The following TUBGCP4 variants were observed in gnomAD, a reference collection of about 807,000 sequenced individuals.
The protein encoded by TUBGCP4 is tubulin gamma complex component 4.
TUBGCP4 carries 54 observed loss-of-function variants against 91.6 expected under a neutral mutation model. The observed-to-expected ratio is 0.59, with a 90% confidence interval of 0.47 to 0.74. TUBGCP4 has a LOEUF of 0.74. TUBGCP4 is among the 30% of genes least tolerant of loss of function. TUBGCP4 has a pLI of 0.00. For missense variants in TUBGCP4, 593 were observed against 800.9 expected, an observed-to-expected ratio of 0.74 and a Z score of 3.13; for synonymous variants, 297 against 302.8, an observed-to-expected ratio of 0.98 and a Z score of 0.20.
chr15:43,396,110 T>TCC (rs1359438153), intron 11 of TUBGCP4, among the ~76,000 whole-genome samples: 3 of 151,294 alleles, frequency 2.0e-5, no homozygotes, highest in Non-Finnish European at 3.0e-5. Flanking sequence ...CGATTCATTC[T>TCC]CTCTCTCTCT....
At position 43,377,827 on chromosome 15, in the gene TUBGCP4, A is replaced by G. The variant is rs777620155; in HGVS notation, c.385-20A>G. On this transcript the variant is annotated intron_variant, in intron 4 of 17. Transcript: ENST00000564079. Reference sequence around the variant, plus strand: ...CTTACATTTGATTACATACCCTTCTAATTATTCTCTACTTTGCAGTTCCAG... The same window carrying G: ...CTTACATTTGATTACATACCCTTCTGATTATTCTCTACTTTGCAGTTCCAG... The G allele has an allele frequency of 7.0e-6, 11 of 1,580,894 alleles. No individual in the cohort carries two copies. The East Asian group carries it at 1.8e-4, about 26-fold the overall frequency.
chr15:43,407,891 A>G lies in TUBGCP4; in HGVS notation c.*2677A>G. ...TTGGACCACAAGGCCTAACACCTACAGGTCTAAGGAGATCCCTGGAACAAA... is the reference window on the plus strand; with the variant it reads ...TTGGACCACAAGGCCTAACACCTACGGGTCTAAGGAGATCCCTGGAACAAA... On this transcript the variant is annotated 3_prime_UTR_variant, in exon 18 of 18. Coordinates refer to ENST00000564079, the MANE Select transcript of TUBGCP4 (RefSeq NM_014444.5). The G allele has an allele frequency of 6.5e-7, 1 of 1,547,982 alleles. No individual in the cohort carries two copies. The highest frequency in any genetic ancestry group is 1.2e-5 in the South Asian group (1 of 83,254).
Position 43,403,995 on chromosome 15 carries a change from A to G in TUBGCP4, c.1848+196A>G, listed in dbSNP as rs943196925. The G allele has an allele frequency of 5.1e-6, 3 of 587,942 alleles. No individual in the cohort carries two copies. In the South Asian group the frequency reaches 6.3e-5, roughly 12 times the overall value. The allele number at this position is 587,942 out of a possible 1,614,324, so 36.4% of individuals were successfully genotyped here. On this transcript the variant is annotated intron_variant, in intron 16 of 17. Transcript: ENST00000564079. The stretch of plus-strand genomic sequence containing the variant: ...ATACTGTGCCACCTCACAGTGCTCA[A>G]AAATAGTTCAGTCCTGAATAGTTTA...
Position 43,376,125 on chromosome 15 carries a change from C to G in TUBGCP4, c.106C>G (p.Pro36Ala), listed in dbSNP as rs746308917. The G allele has an allele frequency of 4.3e-6, 7 of 1,614,168 alleles. No individual in the cohort carries two copies. The highest frequency in any genetic ancestry group is 5.9e-6 in the Non-Finnish European group (7 of 1,180,022). ...ATCGCAGGACTTCCCTTTCCTCCAC[C>G]CCAGTGAGACCAGTGTCCTGAATCG... ...QVSQDFPFLH[P>A]SETSVLNRLC... The change falls in exon 2 of 18, where the codon CCC becomes GCC. Residue 36 changes from proline (P) to alanine (A), a missense_variant. Physicochemically the swap from Pro to Ala is conservative, Grantham distance 27. Transcript: ENST00000564079.
intron 10 of TUBGCP4, 163 bp downstream of exon 10, chr15:43,395,320 G>A (rs923311564): frequency 1.4e-5 from 11 of 774,214 alleles, no homozygotes; most frequent in South Asian, 8.2e-5. Context: ...ACAAATCTAC[G>A]ATAATACAAA....
chr15:43,376,173 T>C lies in TUBGCP4; in HGVS notation c.154T>C (p.Tyr52His). 1.9e-6 allele frequency: 3 copies of C among 1,614,074 alleles called. No homozygotes were observed. In the South Asian group the frequency reaches 3.3e-5, roughly 18 times the overall value. Reference sequence around the variant, plus strand: ...TCGACTCTGCCGGCTCGGCACAGACTATATTCGCTTCACTGAGTTCATTGA... The same window carrying C: ...TCGACTCTGCCGGCTCGGCACAGACCATATTCGCTTCACTGAGTTCATTGA... Reference protein sequence around the residue: ...LNRLCRLGTDYIRFTEFIEQY... With the variant: ...LNRLCRLGTDHIRFTEFIEQY... The change falls in exon 2 of 18, where the codon TAT (tyrosine) becomes CAT (histidine). Residue 52 changes from tyrosine to histidine, a missense_variant. Physicochemically the swap from Tyr to His is moderately conservative, Grantham distance 83 (BLOSUM62 2). Coordinates refer to ENST00000564079, the MANE Select transcript of TUBGCP4 (RefSeq NM_014444.5).
At chr15:43,372,725 G>T (rs1455737175) in intron 1 of TUBGCP4, among the ~76,000 whole-genome samples, 1 of 152,112 alleles carries the variant, frequency 6.6e-6, no homozygotes, top group Non-Finnish European at 1.5e-5. Flanking sequence ...TCATCCTCAA[G>T]GTCTCAGCTT....
intron 16 of TUBGCP4, chr15:43,404,144 C>T: frequency 1.9e-6 from 1 of 525,688 alleles, no homozygotes; most frequent in Non-Finnish European, 3.4e-6. Context: ...ACGGGTTCTC[C>T]CCAACCCCAG....
At chr15:43,398,314 A>G in intron 13 of TUBGCP4, 135 bp downstream of exon 13, 1 of 946,746 alleles carries the variant, frequency 1.1e-6, no homozygotes, top group Middle Eastern at 3.1e-4. Flanking sequence ...CCAGAGCCTG[A>G]GCAGGAGGAT....
chr15:43,408,728 C>CTATGGAATTAA lies in TUBGCP4; in HGVS notation c.*3514_*3515insTATGGAATTAA. The CTATGGAATTAA allele has an allele frequency of 1.5e-6, 1 of 648,326 alleles. No individual in the cohort carries two copies. The allele number at this position is 648,326 out of a possible 1,614,324, so 40.2% of individuals were successfully genotyped here. ...TGCAAAAGGTTCCTAGCCAATGTAA[C>CTATGGAATTAA]CTAGGGAAATAAACTAGATAAACTC... On this transcript the variant is annotated 3_prime_UTR_variant, in exon 18 of 18. Transcript: ENST00000564079.
In TUBGCP4 at chr15:43,409,760, C is replaced by T. The variant is rs752038307; in HGVS notation, c.*4546C>T. ...AAAAATTCTATATTAAAAAAAAAAA[C>T]CAAGATAATAATTACTGAGTGGTTT... On this transcript the variant is annotated 3_prime_UTR_variant, in exon 18 of 18. Coordinates refer to ENST00000564079, the MANE Select transcript of TUBGCP4 (RefSeq NM_014444.5). The T allele has an allele frequency of 1.6e-6, 2 of 1,221,650 alleles. No homozygotes were observed. Among genetic ancestry groups the T allele is most frequent in the Admixed American group, 2.3e-5 (1 of 43,058 alleles). The allele number at this position is 1,221,650 out of a possible 1,614,324, so 75.7% of individuals were successfully genotyped here. A position where few individuals can be genotyped will look rare whatever the true frequency, so the allele number is the denominator to read the frequency against.
Position 43,407,158 on chromosome 15 carries a change from A to G in TUBGCP4, c.*1944A>G, listed in dbSNP as rs913823905. The stretch of plus-strand genomic sequence containing the variant: ...TGTTGAAAGACTCAGAGAAAGTACT[A>G]TGTCTTGTCATTTGTTCTGAGATTA... On this transcript the variant is annotated 3_prime_UTR_variant, in exon 18 of 18. Transcript: ENST00000564079. The G allele has an allele frequency of 3.9e-5, 20 of 515,014 alleles. No individual in the cohort carries two copies. Among genetic ancestry groups the G allele is most frequent in the African/African-American group, 3.8e-4 (20 of 52,458 alleles). 31.9% of individuals were successfully genotyped at this position (515,014 alleles called of 1,614,324 possible).
chr15:43,392,119 C>CACAT (rs61589376), intron 9 of TUBGCP4, among the ~76,000 whole-genome samples: 2 of 139,224 alleles, frequency 1.4e-5, no homozygotes, highest in Non-Finnish European at 3.1e-5. Flanking sequence ...CACACACACA[C>CACAT]ATATTTTTTT....
intron 1 of TUBGCP4, among the ~76,000 whole-genome samples, chr15:43,372,808 A>G (rs2044144129): frequency 6.6e-6 from 1 of 152,182 alleles, no homozygotes; most frequent in East Asian, 1.9e-4. Flanking sequence ...ATTATTCTCC[A>G]TCAACTTGTT....
At chr15:43,376,397 CTAATTGGTTTGTTTGTA>C in intron 2 of TUBGCP4, 89 bp from the exon 3 acceptor site, 3 of 1,607,944 alleles carry the variant, frequency 1.9e-6, no homozygotes, top group Non-Finnish European at 2.6e-6. Flanking sequence ...GGCAAGGCCT[CTAATTGGTTTGTTTGTA>C]TAACTTTTAA....
intron 9 of TUBGCP4, among the ~76,000 whole-genome samples, chr15:43,392,427 A>G (rs1285863618): frequency 2.0e-5 from 3 of 152,030 alleles, no homozygotes; most frequent in Admixed American, 1.3e-4. Context: ...TCTGAATTAT[A>G]TTGTTTCTTT....
chr15:43,403,997 A>G, intron 16 of TUBGCP4, 198 bp downstream of exon 16: 1 of 587,190 alleles, frequency 1.7e-6, no homozygotes, highest in Non-Finnish European at 3.0e-6. Flanking sequence ...AGTGCTCAAA[A>G]ATAGTTCAGT....
intron 14 of TUBGCP4, among the ~76,000 whole-genome samples, chr15:43,401,376 T>C (rs749124522): frequency 4.0e-5 from 6 of 150,592 alleles, no homozygotes; most frequent in Non-Finnish European, 8.9e-5. Flanking sequence ...GCTTGAACCC[T>C]GGTATGTGGA....
Position 43,395,127 on chromosome 15 carries a change from A to G in TUBGCP4, c.1035A>G (p.Val345=), listed in dbSNP as rs1158163469. ...CATAGCATCTCTGGAAGTTGATGGTAGAAGAATCCGATTTACTGGGTCAGC... is the reference window on the plus strand; with the variant it reads ...CATAGCATCTCTGGAAGTTGATGGTGGAAGAATCCGATTTACTGGGTCAGC... ...TVAEHLWKLM[V]EESDLLGQLK... The change falls in exon 10 of 18, where the codon GTA becomes GTG. Residue 345 remains valine, a synonymous_variant. Transcript: ENST00000564079. The G allele has an allele frequency of 1.9e-6, 3 of 1,614,054 alleles. No homozygotes were observed. Among genetic ancestry groups the G allele is most frequent in the Admixed American group, 3.3e-5 (2 of 60,002 alleles).
Sources: allele counts gnomAD v4.1 joint callset (sites outside exome capture counted in the v4.1 genomes callset), GRCh38; gene constraint gnomAD v4.1.1; transcripts MANE v1.5; gene names NCBI Gene and HGNC (gene_info 2026-07-23, HGNC 2026-07-21).